The following EPB41 variants were observed in gnomAD, a reference collection of about 807,000 sequenced individuals.
The protein encoded by EPB41 is erythrocyte membrane protein band 4.1.
A neutral mutation model predicts 108.0 loss-of-function variants in EPB41; 65 were observed. The observed-to-expected ratio is 0.60, with a 90% CI of 0.49 to 0.74. EPB41 has a LOEUF of 0.74. EPB41 is among the 30% of genes least tolerant of loss of function. The pLI is 0.00. For synonymous variants in EPB41, 336 were observed against 358.9 expected (o/e 0.94, Z 0.72); for missense variants, 875 against 1,037.0 (o/e 0.84, Z 2.15).
In EPB41 at chr1:28,987,692, G is replaced by T; in HGVS notation, c.255G>T (p.Ser85=). The part of the protein sequence containing the change: ...ESRGLSRLFS[S]FLKRPKSQVS... Reference sequence around the variant, plus strand: ...GAGGACTTTCACGACTATTCTCCTCGTTTCTCAAAAGGCCCAAATCTCAGG... The same window carrying T: ...GAGGACTTTCACGACTATTCTCCTCTTTTCTCAAAAGGCCCAAATCTCAGG... The change falls in exon 2 of 21, where the codon TCG becomes TCT. Residue 85 remains serine, a synonymous_variant. Transcript: ENST00000343067. 3 of 1,614,174 alleles carry T rather than the reference G, an allele frequency of 1.9e-6. No homozygotes were observed. The highest frequency in any genetic ancestry group is 2.5e-6 in the Non-Finnish European group (3 of 1,180,040).
chr1:29,021,080 C>G (rs900806531), intron 7 of EPB41, among the ~76,000 whole-genome samples: 21 of 152,264 alleles, frequency 1.4e-4, no homozygotes, highest in African/African-American at 5.1e-4. Context: ...TATTGTGCAT[C>G]TATTATTATG....
At chr1:28,935,051 G>A (rs1343635013) in intron 1 of EPB41, among the ~76,000 whole-genome samples, 1 of 151,894 alleles carries the variant, frequency 6.6e-6, no homozygotes, top group Non-Finnish European at 1.5e-5. Context: ...GGTTGAGGCA[G>A]CTGTGAGCCA....
intron 9 of EPB41, among the ~76,000 whole-genome samples, chr1:29,033,701 A>G (rs1056791172): frequency 1.5e-4 from 23 of 152,266 alleles, no homozygotes; most frequent in African/African-American, 5.5e-4. Flanking sequence ...ATTTTTAATA[A>G]GAGTTGGATG....
upstream of EPB41, chr1:28,887,134 G>A: frequency 2.1e-6 from 2 of 932,708 alleles, no homozygotes; most frequent in Non-Finnish European, 3.0e-6. This position sits in a 1 kb window ranked among gnomAD's most constrained non-coding sequence, Gnocchi z 4.9. Context: ...GGGGCAAAGT[G>A]GCAGGAACCT....
intron 17 of EPB41, among the ~76,000 whole-genome samples, chr1:29,108,122 T>G (rs1667838174): frequency 6.6e-6 from 1 of 151,384 alleles, no homozygotes; most frequent in African/African-American, 2.4e-5. Context: ...AATGTTGACC[T>G]GTGGCTATGT....
chr1:29,033,512 CA>C (rs1638249573), intron 9 of EPB41, among the ~76,000 whole-genome samples: 3 of 152,058 alleles, frequency 2.0e-5, no homozygotes, highest in South Asian at 4.1e-4. Context: ...TTGTTTACGC[CA>C]AGCAAAAACT....
At chr1:29,058,763 A>G (rs1254920211) in intron 13 of EPB41, 48 bp from the exon 14 acceptor site, 2 of 1,533,706 alleles carry the variant, frequency 1.3e-6, no homozygotes, top group Admixed American at 2.0e-5. Flanking sequence ...AACTTCAATG[A>G]GCAACATTTT....
At chr1:29,042,300 C>A (rs146396776) in intron 11 of EPB41, among the ~76,000 whole-genome samples, 55 of 152,160 alleles carry the variant, frequency 3.6e-4, no homozygotes, top group African/African-American at 1.3e-3. Flanking sequence ...AATTCTTAAC[C>A]TAATGGAGGA....
At position 28,941,176 on chromosome 1, in the gene EPB41, G is replaced by A. The variant is rs149285588; in HGVS notation, c.-8+26408G>A. Among the ~76,000 whole-genome samples, 394 of 150,694 alleles carry A rather than the reference G, an allele frequency of 2.6e-3. 1 individual carries two copies. Among genetic ancestry groups the A allele is most frequent in the African/African-American group, 8.8e-3 (361 of 41,020 alleles). ...GTAGATCACTTGAGCTCAGGAGTTC[G>A]AGATTAGCCTCCTGAGACCTGTCTC... On this transcript the variant is annotated intron_variant, in intron 1 of 20. Coordinates refer to ENST00000343067, the MANE Select transcript of EPB41 (RefSeq NM_001376013.1).
Position 29,029,020 on chromosome 1 carries a change from T to C in EPB41, c.1125-1380T>C, listed in dbSNP as rs1334894639. On this transcript the variant is annotated intron_variant, in intron 7 of 20. Transcript: ENST00000343067. ...TTGCACCATTGCACTGCACCCTGGG[T>C]GACAGAGTGAGACCCTGTCTCAAAA... Among the ~76,000 whole-genome samples the C allele has an allele frequency of 3.4e-5, 5 of 148,560 alleles. No individual in the cohort carries two copies. The East Asian group carries it at 9.9e-4, about 29-fold the overall frequency.
intron 1 of EPB41, among the ~76,000 whole-genome samples, chr1:28,901,915 A>G (rs1447739806): frequency 2.0e-5 from 3 of 152,156 alleles, no homozygotes; most frequent in African/African-American, 4.8e-5. Flanking sequence ...CATAGCACTT[A>G]TGACTCTTTG....
chr1:29,078,202 G>A (rs1273088503), intron 16 of EPB41, among the ~76,000 whole-genome samples: 1 of 152,134 alleles, frequency 6.6e-6, no homozygotes, highest in Admixed American at 6.5e-5. Context: ...CTGGGTGAAA[G>A]AGCAAGATTC....
intron 16 of EPB41, among the ~76,000 whole-genome samples, chr1:29,088,537 TC>T: frequency 6.6e-6 from 1 of 152,262 alleles, no homozygotes; most frequent in East Asian, 1.9e-4. Flanking sequence ...GCAGTTGCAG[TC>T]TTATATAATC....
At chr1:29,036,676 ATT>A (rs201679138) in intron 10 of EPB41, among the ~76,000 whole-genome samples, 25 of 116,092 alleles carry the variant, frequency 2.2e-4, no homozygotes, top group Middle Eastern at 5.0e-3. Flanking sequence ...TGTGAAGCTG[ATT>A]TTTTTTTTTT....
At chr1:29,102,430 C>A (rs12045750) in intron 17 of EPB41, among the ~76,000 whole-genome samples, 16,353 of 151,916 alleles carry the variant, frequency 0.11, 1,184 homozygotes, top group East Asian at 0.38. Context: ...AAAAACAAAA[C>A]AAAAAACCAA....
intron 1 of EPB41, among the ~76,000 whole-genome samples, chr1:28,897,823 C>G (rs1308735544): frequency 6.6e-6 from 1 of 152,124 alleles, no homozygotes; most frequent in Non-Finnish European, 1.5e-5. Flanking sequence ...CAACTACAGA[C>G]AGTAAACATT....
rs578181893 is a variant in EPB41 at position 28,901,979 on chromosome 1, C to T, written c.-8+14769C>T. On this transcript the variant is annotated intron_variant, in intron 1 of 16. Transcript: ENST00000347529. ...GTCTCTCCTCGCATTGGAATGTAAG[C>T]TCTGTGATGATGGTGATTTTTGTCT... is the stretch of plus-strand genomic sequence containing the variant. 2.8e-3 allele frequency among the ~76,000 whole-genome samples: 423 copies of T among 152,294 alleles called. 2 individuals are homozygous for T. Among genetic ancestry groups the T allele is most frequent in the Non-Finnish European group, 4.8e-3 (324 of 68,028 alleles).
intron 1 of EPB41, among the ~76,000 whole-genome samples, chr1:28,983,611 G>A (rs2095805973): frequency 6.6e-6 from 1 of 152,192 alleles, no homozygotes; most frequent in Non-Finnish European, 1.5e-5. Context: ...GAAGGAGCGT[G>A]CGAGTGAACG....
chr1:28,968,459 A>G (rs2095414723), intron 1 of EPB41, among the ~76,000 whole-genome samples: 1 of 152,136 alleles, frequency 6.6e-6, no homozygotes, highest in South Asian at 2.1e-4. Flanking sequence ...ATGTTTTTCT[A>G]AAAATTTATG....
Sources: allele counts gnomAD v4.1 joint callset (sites outside exome capture counted in the v4.1 genomes callset), GRCh38; gene constraint gnomAD v4.1.1; non-coding constraint Gnocchi (gnomAD v3.1); transcripts MANE v1.5; gene names NCBI Gene and HGNC (gene_info 2026-07-23, HGNC 2026-07-21).